The following REPS2 variants were observed in gnomAD, a reference collection of about 807,000 sequenced individuals.
The protein encoded by REPS2 is ralBP1-associated Eps domain-containing protein 2.
In REPS2, 23 loss-of-function variants were observed where a neutral mutation model predicts 53.6. The observed-to-expected ratio is 0.43, with a 90% CI of 0.31 to 0.61. The LOEUF is 0.61. Ranked by LOEUF, REPS2 falls within the 20% of genes least tolerant of loss-of-function variation. The pLI is 0.11. For synonymous variants in REPS2, 238 were observed against 218.6 expected, an observed-to-expected ratio of 1.09 and a Z score of -0.78; for missense variants, 446 against 534.9, an observed-to-expected ratio of 0.83 and a Z score of 1.64.
chrX:17,160,619 G>T, the REPS2 span, among the ~76,000 whole-genome samples: 1 of 112,121 alleles, frequency 8.9e-6, no homozygotes. Flanking sequence ...AACTCTGCTG[G>T]CAGGCAGCAA....
intron 14 of REPS2, among the ~76,000 whole-genome samples, chrX:17,108,408 G>A (rs2062905952): frequency 9.1e-6 from 1 of 110,057 alleles, no homozygotes; most frequent in African/African-American, 3.3e-5. Flanking sequence ...TCCTGACCTC[G>A]TGATCTGCCC....
intron 14 of REPS2, among the ~76,000 whole-genome samples, chrX:17,116,793 G>T (rs1395372959): frequency 8.9e-6 from 1 of 111,862 alleles, no homozygotes; most frequent in Non-Finnish European, 1.9e-5. Flanking sequence ...TTACTTTAAA[G>T]TTATTTTTAA....
intron 4 of REPS2, among the ~76,000 whole-genome samples, chrX:17,026,418 G>A (rs1390111059): frequency 9.4e-6 from 1 of 106,868 alleles, no homozygotes; most frequent in Non-Finnish European, 1.9e-5. Flanking sequence ...TCCTCTTATA[G>A]TTTCCCTGAT....
intron 1 of REPS2, among the ~76,000 whole-genome samples, chrX:16,999,333 A>G (rs912950445): frequency 9.5e-6 from 1 of 105,243 alleles, no homozygotes; most frequent in Non-Finnish European, 1.9e-5. Flanking sequence ...TCTGGATGCT[A>G]TACTGATTTT....
intron 1 of REPS2, among the ~76,000 whole-genome samples, chrX:16,980,872 G>A (rs1403192318): frequency 8.9e-6 from 1 of 112,032 alleles, no homozygotes; most frequent in East Asian, 2.8e-4. Context: ...TTTTCTGATC[G>A]CAGTTTAAGA....
At chrX:17,167,868 A>G in the REPS2 span, among the ~76,000 whole-genome samples, 22 of 110,568 alleles carry the variant, frequency 2.0e-4, no homozygotes, top group African/African-American at 6.9e-4. Flanking sequence ...GGGAGATTAT[A>G]CACATTTATG....
At chrX:17,099,698 T>C in intron 13 of REPS2, 1 of 467,187 alleles carries the variant, frequency 2.1e-6, no homozygotes, top group Non-Finnish European at 3.8e-6. Context: ...ACCTCTATGG[T>C]GTCAAGACAA....
At chrX:17,105,256 T>C (rs1474495841) in intron 14 of REPS2, among the ~76,000 whole-genome samples, 2 of 111,284 alleles carry the variant, frequency 1.8e-5, no homozygotes, top group African/African-American at 3.3e-5. Context: ...AAGGAGGACC[T>C]TGATGAGATG....
chrX:17,167,573 C>A, the REPS2 span, among the ~76,000 whole-genome samples: 2 of 107,540 alleles, frequency 1.9e-5, no homozygotes, highest in African/African-American at 6.8e-5. Context: ...TTTATATATA[C>A]AACTAGATTA....
intron 5 of REPS2, among the ~76,000 whole-genome samples, chrX:17,034,885 G>A (rs977957336): frequency 5.4e-5 from 6 of 111,544 alleles, no homozygotes; most frequent in African/African-American, 2.0e-4. Flanking sequence ...TCAGGTAGGG[G>A]AGGGGATGTT....
chrX:17,140,556 T>C (rs2148161465), intron 17 of REPS2, among the ~76,000 whole-genome samples: 1 of 110,792 alleles, frequency 9.0e-6, no homozygotes, highest in African/African-American at 3.3e-5. Context: ...TAATCACATA[T>C]CTACCCATTT....
the REPS2 span, among the ~76,000 whole-genome samples, chrX:17,176,029 C>A: frequency 8.9e-6 from 1 of 112,353 alleles, no homozygotes; most frequent in Non-Finnish European, 1.9e-5. Context: ...TAGCTGTGTG[C>A]CACCCAATAA....
Position 17,047,896 on chromosome X carries a change from C to A in REPS2, c.907+414C>A, listed in dbSNP as rs750655060. Among the ~76,000 whole-genome samples, 11 of 112,786 alleles carry A rather than the reference C, an allele frequency of 9.8e-5. 1 individual carries two copies. The South Asian group carries it at 4.0e-3, about 41-fold the overall frequency. On this transcript the variant is annotated intron_variant, in intron 6 of 17. Coordinates refer to ENST00000357277, the MANE Select transcript of REPS2 (RefSeq NM_004726.3). The stretch of plus-strand genomic sequence containing the variant: ...TGCCTTCAAACTTCAAACTCAGGCT[C>A]GTTTTCTTTGGCTCAAATGTTTGTC...
intron 2 of REPS2, among the ~76,000 whole-genome samples, chrX:17,016,515 T>G (rs1175181805): frequency 8.9e-6 from 1 of 112,481 alleles, no homozygotes; most frequent in Non-Finnish European, 1.9e-5. Flanking sequence ...GTTCAAGCTA[T>G]TCTCCTGCTT....
intron 1 of REPS2, among the ~76,000 whole-genome samples, chrX:16,981,921 C>A (rs2061023457): frequency 1.8e-5 from 2 of 111,216 alleles, no homozygotes; most frequent in South Asian, 7.5e-4. Flanking sequence ...ACACTTATTA[C>A]CCCCAACAAG....
chrX:17,110,304 A>G (rs1396087748), intron 14 of REPS2, among the ~76,000 whole-genome samples: 4 of 99,071 alleles, frequency 4.0e-5, no homozygotes, highest in East Asian at 3.2e-4. Flanking sequence ...AGTGGTTTAG[A>G]TTTCACTTTT....
chrX:16,983,800 C>T (rs1053267395), intron 1 of REPS2, among the ~76,000 whole-genome samples: 4 of 112,718 alleles, frequency 3.5e-5, no homozygotes, highest in Non-Finnish European at 7.5e-5. Flanking sequence ...CCACCATGCC[C>T]GGCCCTCCAT....
At chrX:17,026,440 A>C (rs1189551088) in intron 4 of REPS2, among the ~76,000 whole-genome samples, 1 of 95,961 alleles carries the variant, frequency 1.0e-5, no homozygotes, top group African/African-American at 3.9e-5. Context: ...TGATTTCCCT[A>C]TTTTCAGGAG....
chrX:16,946,885 G>GGCGGCGGCA lies in REPS2; in HGVS notation c.30_38dup (p.Ala15_Ala17dup), dbSNP rs2060437949. ...CCATGGAGGCGGCAGCGGCGGCGGCGGCGGCGGCAGCGGCAGCGGCAGCGG... is the reference window on the plus strand; with the variant it reads ...CCATGGAGGCGGCAGCGGCGGCGGCGGCGGCGGCAGCGGCGGCAGCGGCAGCGGCAGCGG... On this transcript the variant is annotated inframe_insertion, in exon 1 of 18. Transcript: ENST00000357277. The GGCGGCGGCA allele has an allele frequency of 5.2e-6, 4 of 768,890 alleles. No homozygotes were observed. The highest frequency in any genetic ancestry group is 1.3e-4 in the South Asian group (2 of 15,285). 63.4% of individuals were successfully genotyped at this position (768,890 alleles called of 1,213,427 possible).
Sources: gnomAD v4.1 joint callset for allele counts (sites outside exome capture counted in the v4.1 genomes callset) on GRCh38, gnomAD v4.1.1 for gene constraint, MANE v1.5 for transcripts, NCBI Gene and HGNC (gene_info 2026-07-23, HGNC 2026-07-21) for gene names.